Variants in CDC42BPA observed in about 807,000 individuals in gnomAD.
CDC42BPA encodes CDC42 binding protein kinase alpha, also known as serine/threonine-protein kinase MRCK alpha.
CDC42BPA carries 80 observed loss-of-function variants against 223.5 expected under a neutral mutation model. The ratio of observed to expected loss-of-function variants is 0.36; its 90% CI spans 0.30 to 0.43. CDC42BPA has a LOEUF of 0.43. CDC42BPA is among the 20% of genes least tolerant of loss of function. The pLI is 1.00. For synonymous variants in CDC42BPA, 694 were observed against 718.6 expected (o/e 0.97, Z 0.55); for missense variants, 1,743 against 2,099.9 (o/e 0.83, Z 3.32).
intron 2 of CDC42BPA, among the ~76,000 whole-genome samples, chr1:227,233,987 A>C (rs1678518911): frequency 6.6e-6 from 1 of 151,844 alleles, no homozygotes; most frequent in Non-Finnish European, 1.5e-5. Context: ...TAGTCTCTGC[A>C]GCATGTAGAA....
At chr1:227,180,910 C>A (rs1333791976) in intron 5 of CDC42BPA, among the ~76,000 whole-genome samples, 3 of 139,932 alleles carry the variant, frequency 2.1e-5, no homozygotes, top group Non-Finnish European at 3.1e-5. Flanking sequence ...AACTTGGGGC[C>A]TTTTTTTTTT....
rs546234547 is a variant in CDC42BPA, at chr1:227,168,000, C to A, written c.600-7364G>T. Among the ~76,000 whole-genome samples the A allele has an allele frequency of 1.3e-3, 203 of 152,086 alleles. 1 individual carries two copies. The highest frequency in any genetic ancestry group is 4.6e-3 in the African/African-American group (190 of 41,500). On this transcript the variant is annotated intron_variant, in intron 5 of 36. Coordinates refer to ENST00000366766, the MANE Select transcript of CDC42BPA (RefSeq NM_001394014.1). ...AGTGCAGTGGCATGATCTTGGCTCA[C>A]TGAAACCTCCACCTCCTGGGTTCAA...
At chr1:227,015,628 C>T (rs1193140026) in intron 34 of CDC42BPA, among the ~76,000 whole-genome samples, 1 of 151,914 alleles carries the variant, frequency 6.6e-6, no homozygotes, top group African/African-American at 2.4e-5. Flanking sequence ...GATTTAATTT[C>T]ACAACTGTCG....
At chr1:227,150,247 C>A (rs1463972110) in intron 6 of CDC42BPA, among the ~76,000 whole-genome samples, 99 of 143,202 alleles carry the variant, frequency 6.9e-4, no homozygotes, top group African/African-American at 1.8e-3. Context: ...ACAAAAAAAA[C>A]AAAAAGTACT....
At chr1:227,284,868 G>A (rs1688559990) in intron 1 of CDC42BPA, among the ~76,000 whole-genome samples, 1 of 151,806 alleles carries the variant, frequency 6.6e-6, no homozygotes, top group Admixed American at 6.6e-5. Context: ...AGGCTGAGGT[G>A]GGAAGATCGC....
rs555027772 is a variant in CDC42BPA at position 227,145,687 on chromosome 1, C to G, written c.945G>C (p.Lys315Asn). ...TACAAATGAGCCTTCGAATAAGATC[C>G]TTAGCATTTTCAGACACATCAGTCA... ...AQVTDVSENA[K>N]DLIRRLICSR... The change falls in exon 8 of 37, where the codon AAG becomes AAC. Residue 315 changes from lysine to asparagine, a missense_variant. By Grantham distance (94) the Lys-to-Asn change is moderately conservative. Transcript: ENST00000366766. The G allele has an allele frequency of 1.9e-6, 3 of 1,613,652 alleles. No homozygotes were observed. Among genetic ancestry groups the G allele is most frequent in the Non-Finnish European group, 2.5e-6 (3 of 1,179,682 alleles).
intron 32 of CDC42BPA, among the ~76,000 whole-genome samples, chr1:227,017,359 C>T (rs1252365505): frequency 1.3e-5 from 2 of 152,102 alleles, no homozygotes; most frequent in Admixed American, 6.5e-5. Flanking sequence ...GCCACCCCAC[C>T]CCAGTATCTC....
At chr1:227,093,732 G>T (rs1757943) in intron 15 of CDC42BPA, among the ~76,000 whole-genome samples, 10,537 of 152,144 alleles carry the variant, frequency 0.069, 557 homozygotes, top group East Asian at 0.25. Context: ...GTTCTCTGGA[G>T]CACTTCTCTG....
At chr1:227,240,351 A>T (rs2148100654) in intron 2 of CDC42BPA, among the ~76,000 whole-genome samples, 1 of 152,224 alleles carries the variant, frequency 6.6e-6, no homozygotes, top group South Asian at 2.1e-4. Flanking sequence ...GGTCCTCCCA[A>T]AATTTATCTA....
chr1:227,215,311 A>G (rs968884228), intron 2 of CDC42BPA, among the ~76,000 whole-genome samples: 1 of 152,178 alleles, frequency 6.6e-6, no homozygotes, highest in African/African-American at 2.4e-5. Flanking sequence ...CTGAAGCCAG[A>G]CTACTTGGGT....
At position 227,102,751 on chromosome 1, in the gene CDC42BPA, T is replaced by C. The variant is rs149669720; in HGVS notation, c.2002-1512A>G. Among the ~76,000 whole-genome samples the C allele has an allele frequency of 3.3e-3, 502 of 152,276 alleles. 4 individuals are homozygous for C. Among genetic ancestry groups the C allele is most frequent in the African/African-American group, 0.012 (483 of 41,564 alleles). ...ACCTACCAAGAAATAATAGGTTTTA[T>C]TGCAGACACCGAAGATAATTTAATG... is the stretch of plus-strand genomic sequence containing the variant. On this transcript the variant is annotated intron_variant, in intron 14 of 36. Transcript: ENST00000366766.
At chr1:227,014,469 G>C (rs897143934) in intron 34 of CDC42BPA, among the ~76,000 whole-genome samples, 1 of 152,190 alleles carries the variant, frequency 6.6e-6, no homozygotes, top group East Asian at 1.9e-4. Flanking sequence ...TAAGCAAGCA[G>C]AGCCAACTGA....
chr1:227,253,919 ACAGCACAATCAATCACAT>A, intron 2 of CDC42BPA, 127 bp downstream of exon 2: 3 of 662,120 alleles, frequency 4.5e-6, no homozygotes, highest in Non-Finnish European at 8.0e-6. Context: ...ATCAATCACA[ACAGCACAATCAATCACAT>A]CAATCACAAC....
At chr1:226,996,211 G>A (rs73087659) in intron 35 of CDC42BPA, among the ~76,000 whole-genome samples, 4,570 of 152,268 alleles carry the variant, frequency 0.03, 203 homozygotes, top group African/African-American at 0.1. Context: ...ACTGTTTAGC[G>A]TATGATGGAG....
intron 5 of CDC42BPA, 120 bp from the exon 6 acceptor site, chr1:227,160,756 CTATT>C (rs1196849819): frequency 1.5e-5 from 9 of 585,012 alleles, no homozygotes; most frequent in African/African-American, 1.3e-4. Flanking sequence ...CTAAGAAAAT[CTATT>C]TAATTACTTT....
intron 1 of CDC42BPA, among the ~76,000 whole-genome samples, chr1:227,277,078 TAAAA>T (rs199895591): frequency 2.9e-5 from 3 of 105,022 alleles, no homozygotes; most frequent in South Asian, 3.1e-4. Context: ...CAATAAATAC[TAAAA>T]AAAAAAAAAA....
At chr1:227,145,355 G>A in intron 8 of CDC42BPA, 134 bp downstream of exon 8, 1 of 652,804 alleles carries the variant, frequency 1.5e-6, no homozygotes, top group Non-Finnish European at 2.5e-6. Flanking sequence ...ATAAGCACCA[G>A]AAGCCATGAT....
At chr1:227,279,276 T>G (rs1357348220) in intron 1 of CDC42BPA, among the ~76,000 whole-genome samples, 1 of 152,162 alleles carries the variant, frequency 6.6e-6, no homozygotes, top group Non-Finnish European at 1.5e-5. Flanking sequence ...AAATTCAAAC[T>G]ACTATCTTTA....
At chr1:227,303,617 A>T (rs1692050967) in intron 1 of CDC42BPA, among the ~76,000 whole-genome samples, 1 of 152,180 alleles carries the variant, frequency 6.6e-6, no homozygotes, top group Non-Finnish European at 1.5e-5. Context: ...AGAGGTTCCT[A>T]AAGATAGCAA....
Sources: allele counts gnomAD v4.1 joint callset (sites outside exome capture counted in the v4.1 genomes callset), GRCh38; gene constraint gnomAD v4.1.1; transcripts MANE v1.5; gene names NCBI Gene and HGNC (gene_info 2026-07-23, HGNC 2026-07-21).